Variants in AFF1 observed in about 807,000 individuals in gnomAD.
AFF1 encodes AF4/FMR2 family member 1.
In AFF1, 48 loss-of-function variants were observed where a neutral mutation model predicts 121.7. The observed-to-expected ratio is 0.39, with a 90% CI of 0.31 to 0.50. AFF1 has a LOEUF of 0.50. AFF1 is among the 20% of genes least tolerant of loss of function. AFF1 has a pLI of 0.76. For synonymous variants in AFF1, 613 were observed against 563.0 expected (o/e 1.09, Z -1.26); for missense variants, 1,523 against 1,511.7 (o/e 1.01, Z -0.12).
chr4:87,043,078 T>C (rs1489718966), intron 2 of AFF1, among the ~76,000 whole-genome samples: 4 of 152,212 alleles, frequency 2.6e-5, no homozygotes, highest in Non-Finnish European at 5.9e-5. Context: ...TTTTGGATCC[T>C]GGACTGAGAA....
intron 4 of AFF1, among the ~76,000 whole-genome samples, chr4:87,064,105 G>T (rs1327585542): frequency 1.3e-5 from 2 of 152,336 alleles, no homozygotes; most frequent in East Asian, 3.9e-4. Flanking sequence ...AATTGCATTA[G>T]TTGTGAGAAG....
At chr4:87,073,654 A>T (rs1722359595) in intron 4 of AFF1, among the ~76,000 whole-genome samples, 1 of 152,184 alleles carries the variant, frequency 6.6e-6, no homozygotes. Context: ...AGTTTATCTG[A>T]CTCATATGAC....
At chr4:86,973,445 G>C (rs1003632186) in intron 2 of AFF1, among the ~76,000 whole-genome samples, 3 of 152,076 alleles carry the variant, frequency 2.0e-5, no homozygotes, top group Non-Finnish European at 4.4e-5. Flanking sequence ...TGCCTCAGTT[G>C]GTCTCTTAAT....
At chr4:87,007,307 C>A (rs1386132810) in intron 2 of AFF1, 88 of 1,585,698 alleles carry the variant, frequency 5.5e-5, no homozygotes, top group Non-Finnish European at 7.0e-5. Context: ...CGGGACGCGT[C>A]CCCGCCCGGC....
At position 87,136,271 on chromosome 4, in the gene AFF1, A is replaced by T. The variant is rs1486586597; in HGVS notation, c.*570A>T. 3 of 232,174 alleles carry T rather than the reference A, an allele frequency of 1.3e-5. No individual in the cohort carries two copies. Among genetic ancestry groups the T allele is most frequent in the African/African-American group, 4.4e-5 (2 of 45,286 alleles). 14.4% of individuals were successfully genotyped at this position (232,174 alleles called of 1,614,324 possible). On this transcript the variant is annotated 3_prime_UTR_variant, in exon 21 of 21. Transcript: ENST00000395146. ...CACTGTGCCCCACTTTCTGCCAATG[A>T]ACAGTGGCTTGATAATACCAAGTAT...
intron 2 of AFF1, among the ~76,000 whole-genome samples, chr4:87,040,268 C>T (rs867124711): frequency 2.0e-5 from 3 of 152,158 alleles, no homozygotes. Flanking sequence ...TCTGTTAGGT[C>T]GTTCCTCAAG....
chr4:87,072,812 G>A (rs932032599), intron 4 of AFF1, among the ~76,000 whole-genome samples: 2 of 152,166 alleles, frequency 1.3e-5, no homozygotes, highest in South Asian at 2.1e-4. Context: ...GATTACAGGC[G>A]TGAGCCAGTG....
intron 2 of AFF1, among the ~76,000 whole-genome samples, chr4:86,959,490 TC>T (rs1025329950): frequency 4.5e-4 from 39 of 87,060 alleles, no homozygotes; most frequent in East Asian, 2.7e-3. Flanking sequence ...TCCTTAATAC[TC>T]TTTTTTTTTT....
chr4:87,005,025 TGAGA>T (rs1336351920), intron 2 of AFF1, among the ~76,000 whole-genome samples: 2 of 152,244 alleles, frequency 1.3e-5, no homozygotes, highest in African/African-American at 4.8e-5. Context: ...GGTTTTTGTT[TGAGA>T]GAGAGTCTTA....
In AFF1 at chr4:87,114,435, G is replaced by C. The variant is rs377254064; in HGVS notation, c.1602G>C (p.Ala534=). The part of the protein sequence containing the change: ...NWLTKVSQPA[A]PPEGPRSTEP... ...TGACCAAAGTCAGCCAGCCAGCTGC[G>C]CCACCAGAGGGCCCCAGGAGCACAG... Residue 534 remains alanine, a synonymous_variant, in exon 12 of 21, where the codon GCG becomes GCC. Coordinates refer to ENST00000395146, the MANE Select transcript of AFF1 (RefSeq NM_001166693.3). 2 of 1,611,308 alleles carry C rather than the reference G, an allele frequency of 1.2e-6. No individual in the cohort carries two copies.
intron 2 of AFF1, among the ~76,000 whole-genome samples, chr4:86,957,840 C>A (rs1290477506): frequency 6.6e-6 from 1 of 152,076 alleles, no homozygotes; most frequent in African/African-American, 2.4e-5. Context: ...CCATGCCCAG[C>A]CCTGAGCCAC....
At position 87,047,889 on chromosome 4, in the gene AFF1, A is replaced by C. The variant is rs1363897796; in HGVS notation, c.1059+295A>C. 3 of 432,134 alleles carry C rather than the reference A, an allele frequency of 6.9e-6. No homozygotes were observed. In the Admixed American group the frequency reaches 1.1e-4, roughly 15 times the overall value. 26.8% of individuals were successfully genotyped at this position (432,134 alleles called of 1,614,324 possible). On this transcript the variant is annotated intron_variant, in intron 4 of 20. Transcript: ENST00000395146. The stretch of plus-strand genomic sequence containing the variant: ...TAAGAGTACAGTTTGTGTTTCAAAA[A>C]ATAGATACACCTATAGGATCCAAAA...
At chr4:87,033,615 A>G (rs762469417) in intron 2 of AFF1, among the ~76,000 whole-genome samples, 1 of 152,274 alleles carries the variant, frequency 6.6e-6, no homozygotes, top group East Asian at 1.9e-4. Flanking sequence ...GTTTCTTAAA[A>G]CCAAATTTGC....
At chr4:87,077,540 A>C (rs1164769228) in intron 4 of AFF1, among the ~76,000 whole-genome samples, 1 of 152,196 alleles carries the variant, frequency 6.6e-6, no homozygotes, top group Non-Finnish European at 1.5e-5. Flanking sequence ...GGTTAAAAAA[A>C]GGATATACAT....
intron 4 of AFF1, among the ~76,000 whole-genome samples, chr4:87,070,160 C>T (rs1721881766): frequency 6.6e-6 from 1 of 152,190 alleles, no homozygotes; most frequent in African/African-American, 2.4e-5. Context: ...TGCGCCACCA[C>T]ACCACGCTAA....
intron 8 of AFF1, among the ~76,000 whole-genome samples, chr4:87,097,687 G>A (rs781638010): frequency 2.0e-5 from 3 of 152,172 alleles, no homozygotes; most frequent in Non-Finnish European, 2.9e-5. Flanking sequence ...TACTGAGGCC[G>A]AGTAGATAAT....
At chr4:87,092,068 G>C (rs1260670429) in intron 7 of AFF1, among the ~76,000 whole-genome samples, 1 of 152,222 alleles carries the variant, frequency 6.6e-6, no homozygotes, top group Non-Finnish European at 1.5e-5. Context: ...TGGATCGCTT[G>C]AGCCTAGGAG....
At chr4:87,022,533 C>T (rs1322771796) in intron 2 of AFF1, among the ~76,000 whole-genome samples, 3 of 107,916 alleles carry the variant, frequency 2.8e-5, no homozygotes, top group South Asian at 2.8e-4. Context: ...GTTTTCTTCC[C>T]GTGCTTACAG....
At chr4:87,116,200 CATTTT>C (rs1478483458) in intron 12 of AFF1, among the ~76,000 whole-genome samples, 3 of 152,148 alleles carry the variant, frequency 2.0e-5, no homozygotes, top group African/African-American at 7.2e-5. Context: ...TTGACCATAT[CATTTT>C]ATTTATTATA....
Sources: gnomAD v4.1 joint callset for allele counts (sites outside exome capture counted in the v4.1 genomes callset) on GRCh38, gnomAD v4.1.1 for gene constraint, MANE v1.5 for transcripts, NCBI Gene and HGNC (gene_info 2026-07-23, HGNC 2026-07-21) for gene names.